SPAG17: variants seen among roughly 807,000 people sequenced by gnomAD.
SPAG17 encodes the protein sperm-associated antigen 17.
SPAG17 carries 169 observed loss-of-function variants against 273.6 expected under a neutral mutation model. That is an observed-to-expected ratio of 0.62 (90% CI 0.55 to 0.70). The LOEUF (loss-of-function observed/expected upper bound fraction) is 0.70. Ranked by LOEUF, SPAG17 falls within the 30% of genes least tolerant of loss-of-function variation. SPAG17 has a pLI of 0.00. For missense variants in SPAG17, 2,557 were observed against 2,627.8 expected, an observed-to-expected ratio of 0.97 and a Z score of 0.59; for synonymous variants, 825 against 873.2, an observed-to-expected ratio of 0.94 and a Z score of 0.97.
intron 1 of SPAG17, among the ~76,000 whole-genome samples, chr1:118,171,719 TTACTC>T (rs1360284064): frequency 6.6e-6 from 1 of 152,188 alleles, no homozygotes; most frequent in Non-Finnish European, 1.5e-5. Context: ...ATAACTTCCT[TTACTC>T]TAATAATATC....
chr1:117,970,331 C>T (rs757315205), intron 45 of SPAG17, among the ~76,000 whole-genome samples: 1 of 152,200 alleles, frequency 6.6e-6, no homozygotes, highest in East Asian at 1.9e-4. Context: ...CAGCGTAAAA[C>T]GGGCTCCAAC....
chr1:118,067,297 A>G (rs1209690647), intron 17 of SPAG17, among the ~76,000 whole-genome samples: 1 of 152,208 alleles, frequency 6.6e-6, no homozygotes, highest in African/African-American at 2.4e-5. Flanking sequence ...TGTGTTCACC[A>G]TCCCTATTTA....
intron 30 of SPAG17, among the ~76,000 whole-genome samples, chr1:118,009,708 G>C (rs1659276045): frequency 6.6e-6 from 1 of 152,062 alleles, no homozygotes; most frequent in Non-Finnish European, 1.5e-5. Flanking sequence ...CTAACCATCA[G>C]CTAACTAGAG....
chr1:118,105,753 G>C (rs1422492178), intron 4 of SPAG17, among the ~76,000 whole-genome samples: 1 of 152,090 alleles, frequency 6.6e-6, no homozygotes, highest in Non-Finnish European at 1.5e-5. Context: ...TGATGACAAG[G>C]TTCAAGGGAG....
intron 3 of SPAG17, among the ~76,000 whole-genome samples, chr1:118,129,148 C>A (rs960808307): frequency 6.6e-6 from 1 of 152,160 alleles, no homozygotes; most frequent in African/African-American, 2.4e-5. Flanking sequence ...TGGGCTGGAG[C>A]CCCTGAACTA....
At chr1:117,966,416 T>C (rs891743956) in intron 47 of SPAG17, 193 bp downstream of exon 47, 17 of 480,396 alleles carry the variant, frequency 3.5e-5, no homozygotes, top group African/African-American at 2.7e-4. Context: ...ACATATACTA[T>C]GTGTCAGGTA....
At chr1:118,036,574 T>C in intron 24 of SPAG17, 196 bp downstream of exon 24, 1 of 365,378 alleles carries the variant, frequency 2.7e-6, no homozygotes, top group Non-Finnish European at 4.9e-6. Context: ...AGATTATATA[T>C]ATATATACTG....
At chr1:118,051,830 TATA>T (rs1190761244) in intron 20 of SPAG17, among the ~76,000 whole-genome samples, 1 of 138,500 alleles carries the variant, frequency 7.2e-6, no homozygotes, top group African/African-American at 2.6e-5. Context: ...TATGAACTAT[TATA>T]ATATATAAAC....
chr1:118,037,777 T>C (rs1318535957), intron 23 of SPAG17, among the ~76,000 whole-genome samples: 1 of 152,194 alleles, frequency 6.6e-6, no homozygotes, highest in East Asian at 1.9e-4. Context: ...TCCATTTCTT[T>C]GCTATCATGA....
chr1:118,155,790 T>C (rs1354109194), intron 1 of SPAG17, among the ~76,000 whole-genome samples: 1 of 152,244 alleles, frequency 6.6e-6, no homozygotes, highest in Admixed American at 6.5e-5. Flanking sequence ...ACCTTTTTGT[T>C]AAGCAGATTT....
intron 5 of SPAG17, among the ~76,000 whole-genome samples, chr1:118,100,596 C>T (rs1288940623): frequency 6.6e-6 from 1 of 152,164 alleles, no homozygotes; most frequent in Non-Finnish European, 1.5e-5. Flanking sequence ...TTTCTTCTAT[C>T]ACTAAACTAA....
chr1:118,149,316 C>A (rs958624891), intron 3 of SPAG17, among the ~76,000 whole-genome samples: 1 of 152,154 alleles, frequency 6.6e-6, no homozygotes, highest in Non-Finnish European at 1.5e-5. Flanking sequence ...CCTGTCCAGA[C>A]TAGACATCAA....
intron 21 of SPAG17, among the ~76,000 whole-genome samples, chr1:118,041,337 AT>A (rs1053716502): frequency 8.0e-5 from 12 of 150,748 alleles, no homozygotes; most frequent in Admixed American, 2.0e-4. Context: ...ATTTCTTTCC[AT>A]TTTTTTTTCC....
intron 32 of SPAG17, among the ~76,000 whole-genome samples, chr1:118,001,994 A>G (rs1014076318): frequency 5.3e-5 from 8 of 152,172 alleles, no homozygotes; most frequent in Non-Finnish European, 7.3e-5. Context: ...ACTGCTTTAA[A>G]TGTGTCCCAG....
At chr1:117,993,864 T>G (rs535361336) in intron 35 of SPAG17, among the ~76,000 whole-genome samples, 1 of 152,320 alleles carries the variant, frequency 6.6e-6, no homozygotes, top group Non-Finnish European at 1.5e-5. Flanking sequence ...ATATTTTATT[T>G]TTTTAAAAAA....
intron 31 of SPAG17, among the ~76,000 whole-genome samples, chr1:118,007,570 GAGAAC>G (rs1329457357): frequency 1.3e-5 from 2 of 152,204 alleles, no homozygotes; most frequent in Admixed American, 6.5e-5. Context: ...CTTCAGCTAG[GAGAAC>G]TGCCCTCCAG....
At chr1:118,130,475 A>G (rs1179119047) in intron 3 of SPAG17, among the ~76,000 whole-genome samples, 6 of 152,196 alleles carry the variant, frequency 3.9e-5, no homozygotes, top group Admixed American at 2.0e-4. Flanking sequence ...TTTTCCAGGG[A>G]TTGAACTTTC....
At chr1:118,125,245 A>ATATATATATATTT (rs146004766) in intron 3 of SPAG17, among the ~76,000 whole-genome samples, 3 of 150,750 alleles carry the variant, frequency 2.0e-5, no homozygotes, top group African/African-American at 7.4e-5. Flanking sequence ...ATATATATAT[A>ATATATATATATTT]TTTTTGACAT....
chr1:118,087,797 A>G (rs1449448426), intron 10 of SPAG17, among the ~76,000 whole-genome samples: 1 of 152,118 alleles, frequency 6.6e-6, no homozygotes, highest in Non-Finnish European at 1.5e-5. Flanking sequence ...TCCCTCTACA[A>G]GTTTCCTCAG....
Sources: allele counts gnomAD v4.1 joint callset (sites outside exome capture counted in the v4.1 genomes callset), GRCh38; gene constraint gnomAD v4.1.1; transcripts MANE v1.5; gene names NCBI Gene and HGNC (gene_info 2026-07-23, HGNC 2026-07-21).